NXN: variants seen among roughly 807,000 people sequenced by gnomAD.
NXN encodes the protein nucleoredoxin 1.
In NXN, 16 loss-of-function variants were observed where a neutral mutation model predicts 48.6. That is an observed-to-expected ratio of 0.33 (90% CI 0.22 to 0.50). The LOEUF (loss-of-function observed/expected upper bound fraction) is 0.50, where lower values mean the gene tolerates loss of function less well. Among genes scored for constraint, NXN ranks in the 20% least tolerant of loss-of-function variants. NXN has a pLI of 0.98. For synonymous variants in NXN, 281 were observed against 269.6 expected (o/e 1.04, Z -0.41); for missense variants, 492 against 605.5 (o/e 0.81, Z 1.97).
intron 4 of NXN, 48 bp from the exon 5 acceptor site, chr17:819,593 C>G: frequency 7.6e-7 from 1 of 1,321,832 alleles, no homozygotes; most frequent in Non-Finnish European, 1.1e-6. Context: ...CCCCACTGCA[C>G]CAACGCTGAA....
chr17:923,952 T>A (rs938690616), intron 1 of NXN, among the ~76,000 whole-genome samples: 2 of 152,338 alleles, frequency 1.3e-5, no homozygotes, highest in African/African-American at 2.4e-5. Context: ...TGTATTTTTT[T>A]AAGTATATTT....
chr17:808,590 C>A (rs1230503172), intron 5 of NXN, among the ~76,000 whole-genome samples: 1 of 151,954 alleles, frequency 6.6e-6, no homozygotes, highest in African/African-American at 2.4e-5. Context: ...CCACCATGCC[C>A]GGCCAGTGTA....
chr17:822,290 G>A (rs1266363496), intron 4 of NXN, 67 bp downstream of exon 4: 5 of 1,202,762 alleles, frequency 4.2e-6, no homozygotes, highest in Admixed American at 1.8e-5. Flanking sequence ...AGAAAAAAAA[G>A]AAAAGAAAAA....
At chr17:952,834 C>G (rs11870557) in intron 1 of NXN, among the ~76,000 whole-genome samples, 4,593 of 110,370 alleles carry the variant, frequency 0.042, 140 homozygotes, top group African/African-American at 0.084. Flanking sequence ...TGGAGTCAGA[C>G]AGACCAAGGT....
intron 1 of NXN, among the ~76,000 whole-genome samples, chr17:944,005 A>G (rs566035560): frequency 6.6e-6 from 1 of 152,142 alleles, no homozygotes; most frequent in Admixed American, 6.5e-5. Context: ...TGGGAGGCCA[A>G]GGTGGGTGGA....
intron 5 of NXN, among the ~76,000 whole-genome samples, chr17:810,749 C>T (rs1419252518): frequency 2.0e-5 from 3 of 152,064 alleles, no homozygotes; most frequent in Admixed American, 6.5e-5. Flanking sequence ...ATTAGCTGGG[C>T]GTGGTAGCGC....
At chr17:853,736 T>C (rs2067953343) in intron 1 of NXN, among the ~76,000 whole-genome samples, 1 of 146,340 alleles carries the variant, frequency 6.8e-6, no homozygotes, top group Non-Finnish European at 1.5e-5. Flanking sequence ...TTTTTTTTTT[T>C]TTCCAAGACG....
intron 1 of NXN, among the ~76,000 whole-genome samples, chr17:973,451 T>A (rs997940661): frequency 6.6e-6 from 1 of 152,172 alleles, no homozygotes. Context: ...TCAAGAAGAG[T>A]GCCTGATCAT....
chr17:976,677 C>A (rs2069462678), intron 1 of NXN, among the ~76,000 whole-genome samples: 1 of 152,064 alleles, frequency 6.6e-6, no homozygotes. Context: ...TCACGGGCTT[C>A]TAAGCACCCT....
At chr17:846,746 A>T (rs1224354542) in intron 1 of NXN, among the ~76,000 whole-genome samples, 2 of 152,054 alleles carry the variant, frequency 1.3e-5, no homozygotes, top group East Asian at 3.9e-4. Context: ...TGAGCCAGAA[A>T]GTTAGTCTTT....
intron 1 of NXN, among the ~76,000 whole-genome samples, chr17:904,816 T>C (rs1008574160): frequency 6.6e-6 from 1 of 152,222 alleles, no homozygotes; most frequent in African/African-American, 2.4e-5. Flanking sequence ...AGTGCTGGGA[T>C]GACAGGCGTG....
intron 1 of NXN, among the ~76,000 whole-genome samples, chr17:950,683 C>A (rs2069099381): frequency 6.6e-6 from 1 of 152,098 alleles, no homozygotes; most frequent in Admixed American, 6.6e-5. Flanking sequence ...TGAATTACGG[C>A]TTCAAAATAA....
At chr17:965,824 T>C (rs1283636332) in intron 1 of NXN, among the ~76,000 whole-genome samples, 1 of 151,854 alleles carries the variant, frequency 6.6e-6, no homozygotes, top group East Asian at 1.9e-4. Context: ...GAGAATGGTG[T>C]GACTTCAACA....
intron 1 of NXN, among the ~76,000 whole-genome samples, chr17:924,715 C>CTCCGTTCCGT (rs56853234): frequency 6.6e-5 from 10 of 151,878 alleles, no homozygotes; most frequent in African/African-American, 2.4e-4. Flanking sequence ...TAAAGACTAA[C>CTCCGTTCCGT]TCCGTTCCGT....
intron 1 of NXN, among the ~76,000 whole-genome samples, chr17:854,326 C>T (rs1311768985): frequency 6.6e-6 from 1 of 152,130 alleles, no homozygotes; most frequent in Non-Finnish European, 1.5e-5. Context: ...AGAACGATCC[C>T]ACCTGCTCAC....
intron 1 of NXN, among the ~76,000 whole-genome samples, chr17:840,038 A>C (rs536490361): frequency 3.3e-5 from 5 of 151,442 alleles, no homozygotes; most frequent in African/African-American, 1.2e-4. Flanking sequence ...TGGAGGTTGC[A>C]GTGAGCTGAG....
At chr17:882,695 G>A (rs2068298740) in intron 1 of NXN, among the ~76,000 whole-genome samples, 1 of 152,064 alleles carries the variant, frequency 6.6e-6, no homozygotes, top group Non-Finnish European at 1.5e-5. Flanking sequence ...TCGATCTCCT[G>A]ACCTCGTGAT....
At chr17:804,377 G>A (rs953338294) in intron 6 of NXN, among the ~76,000 whole-genome samples, 2 of 146,450 alleles carry the variant, frequency 1.4e-5, no homozygotes, top group Non-Finnish European at 3.0e-5. Flanking sequence ...CTGCCTCCCC[G>A]GTTCAAGCGA....
intron 1 of NXN, among the ~76,000 whole-genome samples, chr17:833,643 T>C (rs77441188): frequency 6.6e-6 from 1 of 152,218 alleles, no homozygotes; most frequent in East Asian, 1.9e-4. Flanking sequence ...AAAAAGTCAG[T>C]GTATAAATTC....
Sources: allele counts gnomAD v4.1 joint callset (sites outside exome capture counted in the v4.1 genomes callset), GRCh38; gene constraint gnomAD v4.1.1; transcripts MANE v1.5; gene names NCBI Gene and HGNC (gene_info 2026-07-23, HGNC 2026-07-21).